The following EARS2 variants were observed in gnomAD, a reference collection of about 807,000 sequenced individuals.
EARS2 encodes glutamyl-tRNA synthetase 2, mitochondrial.
In EARS2, 50 loss-of-function variants were observed where a neutral mutation model predicts 54.1. The ratio of observed to expected loss-of-function variants is 0.92; its 90% CI spans 0.74 to 1.17. The LOEUF is 1.17. EARS2 is among the 50% of genes most tolerant of loss of function. The probability of loss-of-function intolerance (pLI) is 0.00; values close to 1 mark genes in which losing one functional copy is unlikely to be tolerated. For missense variants in EARS2, 673 were observed against 675.0 expected, an observed-to-expected ratio of 1.00 and a Z score of 0.03; for synonymous variants, 298 against 281.0, an observed-to-expected ratio of 1.06 and a Z score of -0.61.
rs768069730 is a variant in EARS2 at position 23,557,303 on chromosome 16, G to A, written c.41C>T (p.Pro14Leu). 8.6e-6 allele frequency: 13 copies of A among 1,517,542 alleles called. No individual in the cohort carries two copies. Among genetic ancestry groups the A allele is most frequent in the South Asian group, 7.4e-5 (6 of 80,936 alleles). 94.0% of individuals were successfully genotyped at this position (1,517,542 alleles called of 1,614,324 possible). A position where few individuals can be genotyped will look rare whatever the true frequency, so the allele number is the denominator to read the frequency against. The change falls in exon 1 of 9, where the codon CCT becomes CTT. Residue 14 changes from proline (P) to leucine (L), a missense_variant. Pro to Leu is a moderately conservative substitution (Grantham distance 98). This residue lies in a region of EARS2 where 316 missense variants were observed against 275.2 expected (regional missense o/e 1.15). Coordinates refer to ENST00000449606, the MANE Select transcript of EARS2 (RefSeq NM_001083614.2). The part of the protein sequence containing the change: ...LLRRLLQRER[P>L]SAASGRPVGR... The stretch of plus-strand genomic sequence containing the variant: ...TACGGGGCGGCCAGAGGCCGCCGAA[G>A]GCCTCTCGCGCTGCAGCAGTCTCCT...
At chr16:23,525,858 G>A (rs1210051970) in intron 7 of EARS2, among the ~76,000 whole-genome samples, 2 of 151,658 alleles carry the variant, frequency 1.3e-5, no homozygotes, top group Non-Finnish European at 2.9e-5. Context: ...ATTAGCCAGG[G>A]ATGGTGGCGG....
intron 2 of EARS2, among the ~76,000 whole-genome samples, chr16:23,549,415 C>T (rs1445641091): frequency 1.3e-5 from 2 of 152,204 alleles, no homozygotes; most frequent in Admixed American, 1.3e-4. Flanking sequence ...GTGCAGCCTG[C>T]TGGGCCAAAT....
rs1474459826 is a variant in EARS2 at position 23,525,332 on chromosome 16, C to G, written c.1400G>C (p.Gly467Ala). Residue 467 changes from glycine to alanine, a missense_variant, in exon 8 of 9, where the codon GGA becomes GCA. Gly to Ala is a moderately conservative substitution (Grantham distance 60). Transcript: ENST00000449606. ...SMSLTQDMLN[G>A]ELKKLSEGLE... ...ACCTTCTGATAGCTTCTTCAGTTCTCCATTCAGCATATCCTGAGTTAAGCT... is the reference window on the plus strand; with the variant it reads ...ACCTTCTGATAGCTTCTTCAGTTCTGCATTCAGCATATCCTGAGTTAAGCT... 6.2e-7 allele frequency: 1 copy of G among 1,613,958 alleles called. No homozygotes were observed. Among genetic ancestry groups the G allele is most frequent in the Non-Finnish European group, 8.5e-7 (1 of 1,180,010 alleles).
At chr16:23,555,179 A>G (rs1965755796) in intron 1 of EARS2, among the ~76,000 whole-genome samples, 2 of 152,166 alleles carry the variant, frequency 1.3e-5, no homozygotes, top group African/African-American at 4.8e-5. Context: ...TGAGGCTCAG[A>G]TTCATTAAAT....
rs74830936 is a variant in EARS2, at chr16:23,538,813, T to C, written c.486-3453A>G. Among the ~76,000 whole-genome samples, 248 of 152,120 alleles carry C rather than the reference T, an allele frequency of 1.6e-3. 1 individual carries two copies. The highest frequency in any genetic ancestry group is 5.6e-3 in the African/African-American group (232 of 41,480). ...AAGTCAAGGCTGTGGTGAGTCATGA[T>C]TGCATCGCTCCAGCCTGGGTGACAC... On this transcript the variant is annotated intron_variant, in intron 3 of 8. Transcript: ENST00000449606.
In EARS2 at chr16:23,557,338, C is replaced by T; in HGVS notation, c.6G>A (p.Ala2=). The T allele has an allele frequency of 6.5e-7, 1 of 1,545,382 alleles. No individual in the cohort carries two copies. The highest frequency in any genetic ancestry group is 1.4e-5 in the African/African-American group (1 of 73,840). ...GCTGCAGCAGTCTCCTCAGGAGCGC[C>T]GCCATGTGGGATGGAATAGCACACG... M[A]ALLRRLLQRE... The change falls in exon 1 of 9, where the codon GCG becomes GCA. Residue 2 remains alanine, a synonymous_variant. Coordinates refer to ENST00000449606, the MANE Select transcript of EARS2 (RefSeq NM_001083614.2).
intron 7 of EARS2, among the ~76,000 whole-genome samples, chr16:23,527,844 C>T (rs967334442): frequency 6.6e-6 from 1 of 152,152 alleles, no homozygotes; most frequent in Non-Finnish European, 1.5e-5. Flanking sequence ...TGAGTCACCG[C>T]GCCCAGCAAA....
Position 23,557,212 on chromosome 16 carries a change from G to A in EARS2, c.132C>T (p.Ser44=), listed in dbSNP as rs1225812880. 2 of 1,514,812 alleles carry A rather than the reference G, an allele frequency of 1.3e-6. No homozygotes were observed. Among genetic ancestry groups the A allele is most frequent in the African/African-American group, 1.4e-5 (1 of 72,038 alleles). The allele number at this position is 1,514,812 out of a possible 1,614,324, so 93.8% of individuals were successfully genotyped here. A position where few individuals can be genotyped will look rare whatever the true frequency, so the allele number is the denominator to read the frequency against. The part of the protein sequence containing the change: ...GVAVRVRFAP[S]PTGFLHLGGL... ...CACGTCCGCCAGGGTTACCTGTGGG[G>A]CTGGGAGCGAACCGCACTCGCACCG... The change falls in exon 1 of 9, where the codon AGC becomes AGT. Residue 44 remains serine (S), a synonymous_variant. Coordinates refer to ENST00000449606, the MANE Select transcript of EARS2 (RefSeq NM_001083614.2).
chr16:23,525,228 C>A lies in EARS2; in HGVS notation c.1488+16G>T. 1 of 1,614,094 alleles carries A rather than the reference C, an allele frequency of 6.2e-7. No homozygotes were observed. Among genetic ancestry groups the A allele is most frequent in the South Asian group, 1.1e-5 (1 of 91,080 alleles). On this transcript the variant is annotated intron_variant, in intron 8 of 8. Transcript: ENST00000449606. ...AGGGGCTCCAGGGAACAATCCAACC[C>A]GTGTCCCTGCCTCACCTGCTGTCCA...
chr16:23,536,672 CTT>C (rs1195696509), intron 3 of EARS2, among the ~76,000 whole-genome samples: 1 of 141,916 alleles, frequency 7.0e-6, no homozygotes, highest in Non-Finnish European at 1.5e-5. Flanking sequence ...AAAAAAAAAA[CTT>C]TTTTTTTCTT....
chr16:23,556,517 G>A (rs748757338), intron 1 of EARS2, among the ~76,000 whole-genome samples: 15 of 152,194 alleles, frequency 9.9e-5, no homozygotes, highest in African/African-American at 1.9e-4. Context: ...ACCATGCCCA[G>A]ATAATTTTGT....
At chr16:23,530,504 A>G (rs931721776) in intron 5 of EARS2, among the ~76,000 whole-genome samples, 1 of 151,936 alleles carries the variant, frequency 6.6e-6, no homozygotes, top group Non-Finnish European at 1.5e-5. Flanking sequence ...CCCAGGCTGG[A>G]GTGCAGTGGT....
chr16:23,542,134 A>C (rs1387095421), intron 3 of EARS2, among the ~76,000 whole-genome samples: 1 of 150,880 alleles, frequency 6.6e-6, no homozygotes, highest in African/African-American at 2.4e-5. Flanking sequence ...CGGGGATTAC[A>C]GGCATGAGCC....
chr16:23,531,035 G>T (rs2142166349), intron 5 of EARS2, among the ~76,000 whole-genome samples: 1 of 151,840 alleles, frequency 6.6e-6, no homozygotes, highest in African/African-American at 2.4e-5. Flanking sequence ...GAGACTACAG[G>T]CGCCCGCCAC....
intron 1 of EARS2, among the ~76,000 whole-genome samples, chr16:23,553,894 T>TC (rs1180185464): frequency 3.6e-5 from 5 of 138,292 alleles, no homozygotes; most frequent in African/African-American, 1.4e-4. Flanking sequence ...AGACTCCATC[T>TC]CCAAAAAAAA....
Position 23,557,187 on chromosome 16 carries a change from C to T in EARS2, c.139+18G>A, listed in dbSNP as rs1286612683. ...GACAGGGGGCCTCGGCCTGTAGCGT[C>T]ACGTCCGCCAGGGTTACCTGTGGGG... is the stretch of plus-strand genomic sequence containing the variant. On this transcript the variant is annotated intron_variant, in intron 1 of 8. Transcript: ENST00000449606. The T allele has an allele frequency of 2.0e-6, 3 of 1,506,206 alleles. No homozygotes were observed. Among genetic ancestry groups the T allele is most frequent in the Non-Finnish European group, 2.6e-6 (3 of 1,137,030 alleles). The allele number at this position is 1,506,206 out of a possible 1,614,324, so 93.3% of individuals were successfully genotyped here.
At chr16:23,542,030 T>G (rs2142180995) in intron 3 of EARS2, among the ~76,000 whole-genome samples, 1 of 152,226 alleles carries the variant, frequency 6.6e-6, no homozygotes, top group East Asian at 1.9e-4. Context: ...AGCTAATTTT[T>G]GTATTTTTGT....
At chr16:23,544,206 G>A (rs1463007980) in intron 3 of EARS2, among the ~76,000 whole-genome samples, 5 of 152,158 alleles carry the variant, frequency 3.3e-5, no homozygotes, top group Non-Finnish European at 7.4e-5. Flanking sequence ...AGGCTCGCAT[G>A]GCAAAGAACT....
At chr16:23,551,711 A>T (rs961965364) in intron 2 of EARS2, among the ~76,000 whole-genome samples, 4 of 152,132 alleles carry the variant, frequency 2.6e-5, no homozygotes, top group African/African-American at 4.8e-5. Context: ...CGAGGTCAGG[A>T]GGTCAAGATC....
Sources: gnomAD v4.1 joint callset for allele counts (sites outside exome capture counted in the v4.1 genomes callset) on GRCh38, gnomAD v4.1.1 for gene constraint, gnomAD v4.1.1 regional missense constraint, MANE v1.5 for transcripts, NCBI Gene and HGNC (gene_info 2026-07-23, HGNC 2026-07-21) for gene names.